TELO2: variants seen among roughly 807,000 people sequenced by gnomAD.
TELO2 encodes telomere length regulation protein TEL2 homolog.
Under a neutral mutation model 91.0 loss-of-function variants are expected in TELO2, and 71 were observed. The observed-to-expected ratio is 0.78, with a 90% CI of 0.64 to 0.95. TELO2 has a LOEUF of 0.95. Ranked by LOEUF, TELO2 falls within the 40% of genes least tolerant of loss-of-function variation. The pLI, the probability that TELO2 is intolerant of heterozygous loss-of-function variation, is 0.00. For synonymous variants in TELO2, 584 were observed against 518.9 expected, an observed-to-expected ratio of 1.13 and a Z score of -1.71; for missense variants, 1,183 against 1,141.3, an observed-to-expected ratio of 1.04 and a Z score of -0.53.
chr16:1,497,491 G>C lies in TELO2; in HGVS notation c.813G>C (p.Leu271=). The change falls in exon 5 of 21, where the codon CTG becomes CTC. Residue 271 remains leucine (L), a synonymous_variant. Coordinates refer to ENST00000262319, the MANE Select transcript of TELO2 (RefSeq NM_016111.4). This position sits in a 1 kb window ranked among gnomAD's most constrained non-coding sequence, Gnocchi z 4.0. ...DRAMEAVLTG[L]VEAALGPEVL... ...CCATGGAGGCTGTGCTGACCGGGCTGGTGGAGGCCGCACTGGGGTAAGCAG... is the reference window on the plus strand; with the variant it reads ...CCATGGAGGCTGTGCTGACCGGGCTCGTGGAGGCCGCACTGGGGTAAGCAG... The C allele has an allele frequency of 6.4e-7, 1 of 1,570,702 alleles. No individual in the cohort carries two copies. Among genetic ancestry groups the C allele is most frequent in the Non-Finnish European group, 8.6e-7 (1 of 1,161,462 alleles).
intron 15 of TELO2, among the ~76,000 whole-genome samples, chr16:1,504,019 T>C (rs2039796203): frequency 6.6e-6 from 1 of 151,332 alleles, no homozygotes; most frequent in Non-Finnish European, 1.5e-5. Context: ...CCTGCTACTC[T>C]TGAGGCTGAG....
rs373834836 is a variant in TELO2, at chr16:1,502,846, C to G, written c.1770+85C>G. The G allele has an allele frequency of 1.2e-5, 19 of 1,602,408 alleles. No homozygotes were observed. In the African/African-American group the frequency reaches 2.4e-4, roughly 20 times the overall value. Reference sequence around the variant, plus strand: ...GCGGTGCCTGAGTCTCGGTCCTGTGCTGGAGCTGGCTGTGAGGTGCCCGGA... The same window carrying G: ...GCGGTGCCTGAGTCTCGGTCCTGTGGTGGAGCTGGCTGTGAGGTGCCCGGA... On this transcript the variant is annotated intron_variant, in intron 14 of 20. Transcript: ENST00000262319.
intron 17 of TELO2, 173 bp downstream of exon 17, chr16:1,506,502 C>T (rs1472709353): frequency 2.1e-6 from 3 of 1,461,518 alleles, no homozygotes; most frequent in South Asian, 1.4e-5. Flanking sequence ...CCGCAAGATT[C>T]CTCTGTGGTT....
At position 1,494,375 on chromosome 16, in the gene TELO2, C is replaced by A; in HGVS notation, c.94C>A (p.Leu32Met). The change falls in exon 2 of 21, where the codon CTG becomes ATG. Residue 32 changes from leucine to methionine, a missense_variant. Physicochemically the swap from Leu to Met is conservative, Grantham distance 15. Coordinates refer to ENST00000262319, the MANE Select transcript of TELO2 (RefSeq NM_016111.4). The surrounding 1 kb of genome is among the most constrained non-coding windows in gnomAD (Gnocchi z 5.6). ...SEDGGHIFCT[L>M]ESLKRYLGEM... Reference sequence around the variant, plus strand: ...GGATGGCGGCCACATCTTCTGCACCCTGGAGTCCCTGAAGCGGTATCTCGG... The same window carrying A: ...GGATGGCGGCCACATCTTCTGCACCATGGAGTCCCTGAAGCGGTATCTCGG... 6.2e-7 allele frequency: 1 copy of A among 1,613,614 alleles called. No individual in the cohort carries two copies. The highest frequency in any genetic ancestry group is 8.5e-7 in the Non-Finnish European group (1 of 1,180,004).
rs905974659 is a variant in TELO2 at position 1,510,195 on chromosome 16, G to A, written c.*259G>A. 8.0e-5 allele frequency: 40 copies of A among 499,366 alleles called. No individual in the cohort carries two copies. The highest frequency in any genetic ancestry group is 1.4e-4 in the Non-Finnish European group (38 of 273,876). The allele number at this position is 499,366 out of a possible 1,614,324, so 30.9% of individuals were successfully genotyped here. ...CTGGGGCTGTGGGCGCTGCTGGCGG[G>A]GTTGACTCTTCCAGTGAGGGCAGAA... On this transcript the variant is annotated 3_prime_UTR_variant, in exon 21 of 21. Transcript: ENST00000262319.
intron 13 of TELO2, 53 bp from the exon 14 acceptor site, chr16:1,502,592 C>G (rs940417899): frequency 1.3e-6 from 2 of 1,585,734 alleles, no homozygotes; most frequent in Non-Finnish European, 1.7e-6. Flanking sequence ...TCGGTGAGGC[C>G]TCGGCGGGCA....
At chr16:1,508,198 T>G (rs946387700) in intron 20 of TELO2, among the ~76,000 whole-genome samples, 25 of 151,664 alleles carry the variant, frequency 1.6e-4, no homozygotes, top group Admixed American at 2.6e-4. Context: ...CGTGGCACAA[T>G]CTTGGCTCAC....
intron 20 of TELO2, among the ~76,000 whole-genome samples, chr16:1,507,994 T>C (rs1003407069): frequency 1.0e-4 from 15 of 144,980 alleles, no homozygotes; most frequent in Non-Finnish European, 1.5e-4. Context: ...ACAGGCAGAG[T>C]GTGCAGGCCG....
intron 3 of TELO2, 88 bp from the exon 4 acceptor site, chr16:1,496,948 G>A (rs1443394219): frequency 2.1e-5 from 28 of 1,360,036 alleles, no homozygotes; most frequent in Middle Eastern, 3.6e-4. Flanking sequence ...GTTGGAGTCC[G>A]CCTGACCGAG....
Position 1,500,476 on chromosome 16 carries a change from G to A in TELO2, c.1132G>A (p.Asp378Asn). 6.2e-7 allele frequency: 1 copy of A among 1,610,906 alleles called. No individual in the cohort carries two copies. The highest frequency in any genetic ancestry group is 8.5e-7 in the Non-Finnish European group (1 of 1,179,292). Reference protein sequence around the residue: ...LAQLGEPELRDSRDELLASMM... With the variant: ...LAQLGEPELRNSRDELLASMM... ...GCAACTCGGGGAGCCGGAACTGCGG[G>A]ACAGCCGGGATGGTGAGCGGGTGGT... Residue 378 changes from aspartate to asparagine, a missense_variant, in exon 8 of 21, where the codon GAC (aspartate) becomes AAC (asparagine). By Grantham distance (23) the Asp-to-Asn change is conservative. Coordinates refer to ENST00000262319, the MANE Select transcript of TELO2 (RefSeq NM_016111.4).
rs922634697 is a variant in TELO2 at position 1,494,634 on chromosome 16, A to T, written c.335+18A>T. 6.2e-7 allele frequency: 1 copy of T among 1,602,734 alleles called. No homozygotes were observed. Among genetic ancestry groups the T allele is most frequent in the South Asian group, 1.1e-5 (1 of 90,304 alleles). ...GCTGCGGGGTGAGTGGGCTGGGCCC[A>T]TCCTGGGGTTGCCGGTAGCCTCAGA... On this transcript the variant is annotated intron_variant, in intron 2 of 20. Coordinates refer to ENST00000262319, the MANE Select transcript of TELO2 (RefSeq NM_016111.4). The surrounding 1 kb of genome is among the most constrained non-coding windows in gnomAD (Gnocchi z 5.6).
chr16:1,507,849 GGTGTGTGTGTGTGTGTGTGTGTGT>G (rs560652753), intron 20 of TELO2, 133 bp downstream of exon 20: 86 of 308,292 alleles, frequency 2.8e-4, no homozygotes, highest in African/African-American at 1.1e-3. Context: ...GTTGGCCCGG[GGTGTGTGTGTGTGTGTGTGTGTGT>G]GTGTGTGTGT....
chr16:1,501,858 G>T (rs545627233), intron 11 of TELO2, 85 bp downstream of exon 11: 9 of 1,477,584 alleles, frequency 6.1e-6, no homozygotes, highest in East Asian at 2.3e-5. Flanking sequence ...CCCGTGGGGG[G>T]CTCCCTGCCT....
At chr16:1,504,677 C>T (rs2039824953) in intron 15 of TELO2, among the ~76,000 whole-genome samples, 1 of 150,044 alleles carries the variant, frequency 6.7e-6, no homozygotes, top group Admixed American at 6.6e-5. Flanking sequence ...CCTGCCTCAG[C>T]CTCCCGAGTA....
At chr16:1,501,832 C>A in intron 11 of TELO2, 59 bp downstream of exon 11, 1 of 1,553,314 alleles carries the variant, frequency 6.4e-7, no homozygotes, top group Non-Finnish European at 8.8e-7. Context: ...GAACCCCTCA[C>A]ACTCCAAGCT....
intron 13 of TELO2, 32 bp downstream of exon 13, chr16:1,502,436 C>T (rs1294607817): frequency 6.4e-7 from 1 of 1,567,482 alleles, no homozygotes; most frequent in South Asian, 1.2e-5. Context: ...GTGGGGAGGC[C>T]CAAGATGGTA....
Position 1,501,504 on chromosome 16 carries a change from G to A in TELO2, c.1361+5G>A. On this transcript the variant is annotated splice_donor_5th_base_variant and intron_variant, in intron 10 of 20. Transcript: ENST00000262319. ...TGACGGCGCCTCGGAGGCGGGGTGA[G>A]GGTCTCTGCCCCCCGGGACCCCACC... is the stretch of plus-strand genomic sequence containing the variant. The A allele has an allele frequency of 3.7e-6, 6 of 1,605,832 alleles. No individual in the cohort carries two copies. The highest frequency in any genetic ancestry group is 4.3e-6 in the Non-Finnish European group (5 of 1,175,926).
chr16:1,508,291 C>T (rs1369005542), intron 20 of TELO2, among the ~76,000 whole-genome samples: 1 of 152,144 alleles, frequency 6.6e-6, no homozygotes, highest in African/African-American at 2.4e-5. Flanking sequence ...CACCACTGCG[C>T]CCAGCCAATT....
rs2039415946 is a variant in TELO2 at position 1,494,692 on chromosome 16, GA to G, written c.335+77del. The G allele has an allele frequency of 6.9e-7, 1 of 1,441,676 alleles. No individual in the cohort carries two copies. The highest frequency in any genetic ancestry group is 9.3e-7 in the Non-Finnish European group (1 of 1,071,078). The allele number at this position is 1,441,676 out of a possible 1,614,324, so 89.3% of individuals were successfully genotyped here. ...AGAGTGGCTTGAAGGACTGGACCAAGAGCCTCTCTAGTCCCTGTGAGGGGCT... is the reference window on the plus strand; with the variant it reads ...AGAGTGGCTTGAAGGACTGGACCAAGGCCTCTCTAGTCCCTGTGAGGGGCT... On this transcript the variant is annotated intron_variant, in intron 2 of 20. Coordinates refer to ENST00000262319, the MANE Select transcript of TELO2 (RefSeq NM_016111.4). This position sits in a 1 kb window ranked among gnomAD's most constrained non-coding sequence, Gnocchi z 5.6.
Sources: allele counts gnomAD v4.1 joint callset (sites outside exome capture counted in the v4.1 genomes callset), GRCh38; gene constraint gnomAD v4.1.1; non-coding constraint Gnocchi (gnomAD v3.1); transcripts MANE v1.5; gene names NCBI Gene and HGNC (gene_info 2026-07-23, HGNC 2026-07-21).